The following GLI3 variants were observed in gnomAD, a reference collection of about 807,000 sequenced individuals.
GLI3 encodes GLI family zinc finger 3.
GLI3 carries 20 observed loss-of-function variants against 100.8 expected under a neutral mutation model. The observed-to-expected ratio is 0.20, with a 90% CI of 0.14 to 0.29. The LOEUF (loss-of-function observed/expected upper bound fraction) is 0.29, where lower values mean the gene tolerates loss of function less well. Ranked by LOEUF, GLI3 falls within the 10% of genes least tolerant of loss-of-function variation. GLI3 has a pLI of 1.00. For missense variants in GLI3, 2,040 were observed against 2,128.5 expected, an observed-to-expected ratio of 0.96 and a Z score of 0.82; for synonymous variants, 938 against 860.5, an observed-to-expected ratio of 1.09 and a Z score of -1.58.
Position 42,085,209 on chromosome 7 carries a change from A to G in GLI3, c.368-8352T>C, listed in dbSNP as rs1451069109. ...GGTTATCTCAGATCTAACTACGGAG[A>G]CCCTGGAGTCAATAGGATCAGAAGT... is the stretch of plus-strand genomic sequence containing the variant. On this transcript the variant is annotated intron_variant, in intron 3 of 14. Coordinates refer to ENST00000395925, the MANE Select transcript of GLI3 (RefSeq NM_000168.6). 5.9e-5 allele frequency among the ~76,000 whole-genome samples: 9 copies of G among 152,032 alleles called. No individual in the cohort carries two copies. In the East Asian group the frequency reaches 1.5e-3, roughly 26 times the overall value.
intron 3 of GLI3, chr7:42,145,605 G>T (rs1239484324): frequency 2.6e-6 from 1 of 384,616 alleles, no homozygotes; most frequent in African/African-American, 2.3e-5. Flanking sequence ...AGGTGACCAG[G>T]TCTGGCAAGA....
intron 1 of GLI3, among the ~76,000 whole-genome samples, chr7:42,255,685 C>T (rs1180226607): frequency 6.6e-6 from 1 of 151,974 alleles, no homozygotes. Flanking sequence ...GTATAGATGC[C>T]CTACATTTTG....
chr7:42,152,988 A>G (rs1305594460), intron 2 of GLI3, among the ~76,000 whole-genome samples: 1 of 152,196 alleles, frequency 6.6e-6, no homozygotes. Context: ...TGGAGCCTAG[A>G]CCTCAATGGA....
At chr7:42,065,982 C>T (rs78270227) in intron 4 of GLI3, among the ~76,000 whole-genome samples, 266 of 152,296 alleles carry the variant, frequency 1.7e-3, no homozygotes, top group African/African-American at 6.3e-3. Flanking sequence ...TTAGCAAGCA[C>T]TCTGCTTGGC....
At chr7:42,002,107 G>T (rs994983220) in intron 10 of GLI3, among the ~76,000 whole-genome samples, 2 of 151,920 alleles carry the variant, frequency 1.3e-5, no homozygotes, top group African/African-American at 4.8e-5. Context: ...CAAATAAAGG[G>T]AAGAATTGAG....
intron 3 of GLI3, among the ~76,000 whole-genome samples, chr7:42,082,768 T>G (rs1482418133): frequency 6.6e-6 from 1 of 152,234 alleles, no homozygotes; most frequent in African/African-American, 2.4e-5. Flanking sequence ...CCTGAAACTT[T>G]TTTTTTAAAT....
At chr7:42,262,225 TTTCCTTCC>T (rs71006469) in intron 1 of GLI3, among the ~76,000 whole-genome samples, 1 of 118,700 alleles carries the variant, frequency 8.4e-6, no homozygotes, top group African/African-American at 3.4e-5. Flanking sequence ...TCCTTCCTTC[TTTCCTTCC>T]TTCCTTCCTT....
chr7:42,199,581 C>T (rs1172656877), intron 2 of GLI3, among the ~76,000 whole-genome samples: 1 of 152,106 alleles, frequency 6.6e-6, no homozygotes, highest in East Asian at 1.9e-4. Flanking sequence ...AGAAGGTGAA[C>T]AAAAGACTGT....
chr7:42,070,732 C>T (rs1784767776), intron 4 of GLI3, among the ~76,000 whole-genome samples: 1 of 152,146 alleles, frequency 6.6e-6, no homozygotes. Flanking sequence ...ATCTATTCAT[C>T]TCTTTTTTGC....
At chr7:41,980,147 A>C (rs1258036535) in intron 10 of GLI3, among the ~76,000 whole-genome samples, 1 of 152,216 alleles carries the variant, frequency 6.6e-6, no homozygotes, top group Non-Finnish European at 1.5e-5. Context: ...ATTGCAGCAC[A>C]CAAGAAGAGA....
At chr7:42,158,798 G>T (rs1583608852) in intron 2 of GLI3, among the ~76,000 whole-genome samples, 1 of 152,108 alleles carries the variant, frequency 6.6e-6, no homozygotes, top group East Asian at 1.9e-4. Flanking sequence ...CCCAGCTGAA[G>T]ACTATTTTCA....
intron 10 of GLI3, among the ~76,000 whole-genome samples, chr7:41,988,855 A>T (rs1787901385): frequency 6.6e-6 from 1 of 152,230 alleles, no homozygotes. Context: ...ACGAAAATGT[A>T]ACTGTTGTCT....
chr7:42,122,535 C>T (rs780882531), intron 3 of GLI3, among the ~76,000 whole-genome samples: 8 of 152,114 alleles, frequency 5.3e-5, no homozygotes, highest in Non-Finnish European at 1.0e-4. Flanking sequence ...GACCCTCATA[C>T]AATCATCTGA....
chr7:42,011,031 T>C (rs1788598527), intron 10 of GLI3, among the ~76,000 whole-genome samples: 1 of 152,258 alleles, frequency 6.6e-6, no homozygotes, highest in Non-Finnish European at 1.5e-5. Flanking sequence ...AAATAAAATG[T>C]GGTCAATCTA....
chr7:42,141,098 A>G (rs534230714), intron 3 of GLI3, among the ~76,000 whole-genome samples: 1 of 152,362 alleles, frequency 6.6e-6, no homozygotes, highest in South Asian at 2.1e-4. Context: ...GGGGCCTCCC[A>G]TCAACATGGA....
intron 7 of GLI3, among the ~76,000 whole-genome samples, chr7:42,038,423 G>T (rs1007348431): frequency 2.6e-5 from 4 of 152,196 alleles, no homozygotes; most frequent in African/African-American, 4.8e-5. Context: ...CTGTATAGAG[G>T]GTGTCTTATC....
chr7:42,236,934 G>C (rs774048726), intron 1 of GLI3, 37 bp downstream of exon 1: 10 of 152,144 alleles, frequency 6.6e-5, no homozygotes, highest in Non-Finnish European at 1.3e-4. Flanking sequence ...AGCGGGCTGC[G>C]GGGTCCGCGA....
chr7:42,095,023 T>A (rs1785307886), intron 3 of GLI3, among the ~76,000 whole-genome samples: 1 of 152,152 alleles, frequency 6.6e-6, no homozygotes, highest in Non-Finnish European at 1.5e-5. Context: ...AAAGCCTTGC[T>A]CAGAAAGGTG....
At chr7:42,104,871 C>T (rs1785541721) in intron 3 of GLI3, among the ~76,000 whole-genome samples, 1 of 152,146 alleles carries the variant, frequency 6.6e-6, no homozygotes, top group Non-Finnish European at 1.5e-5. Flanking sequence ...AAGACAGGTC[C>T]TCATCAGACA....
Sources: gnomAD v4.1 joint callset for allele counts (sites outside exome capture counted in the v4.1 genomes callset) on GRCh38, gnomAD v4.1.1 for gene constraint, MANE v1.5 for transcripts, NCBI Gene and HGNC (gene_info 2026-07-23, HGNC 2026-07-21) for gene names.